NR2C2: variants seen among roughly 807,000 people sequenced by gnomAD.
NR2C2 encodes Nuclear hormone receptor TR4.
In NR2C2, 6 loss-of-function variants were observed where a neutral mutation model predicts 62.9. The ratio of observed to expected loss-of-function variants is 0.10; its 90% CI spans 0.05 to 0.19. The LOEUF is 0.19. NR2C2 is among the 10% of genes least tolerant of loss of function. The pLI, the probability that NR2C2 is intolerant of heterozygous loss-of-function variation, is 1.00. For synonymous variants in NR2C2, 272 were observed against 273.8 expected (o/e 0.99, Z 0.07); for missense variants, 479 against 762.7 (o/e 0.63, Z 4.38).
chr3:14,985,665 G>T (rs1024970953), intron 1 of NR2C2, among the ~76,000 whole-genome samples: 1 of 152,140 alleles, frequency 6.6e-6, no homozygotes, highest in Non-Finnish European at 1.5e-5. Flanking sequence ...CAGATTTAGA[G>T]ATACACATAA....
At position 14,990,316 on chromosome 3, in the gene NR2C2, T is replaced by C. The variant is rs1055033113; in HGVS notation, c.-39-13560T>C. The stretch of plus-strand genomic sequence containing the variant: ...GGGAAAGGGGTGGAGGGAGAGAGAG[T>C]TTAACAGTGGCAGCAATCTAGGTGA... On this transcript the variant is annotated intron_variant, in intron 1 of 13. Coordinates refer to ENST00000425241, the MANE Select transcript of NR2C2 (RefSeq NM_001291694.2). Among the ~76,000 whole-genome samples, 33 of 151,996 alleles carry C rather than the reference T, an allele frequency of 2.2e-4. 4 individuals are homozygous for C. The highest frequency in any genetic ancestry group is 2.1e-3 in the South Asian group (10 of 4,800).
At chr3:15,019,683 CAT>C (rs770797251) in intron 4 of NR2C2, among the ~76,000 whole-genome samples, 8 of 151,794 alleles carry the variant, frequency 5.3e-5, no homozygotes, top group South Asian at 2.1e-4. Context: ...CGATCTCACT[CAT>C]GTGGAATCCT....
At chr3:14,975,361 T>C (rs2040174015) in intron 1 of NR2C2, among the ~76,000 whole-genome samples, 1 of 152,250 alleles carries the variant, frequency 6.6e-6, no homozygotes, top group East Asian at 1.9e-4. Context: ...TTTTCATATG[T>C]GACCTTTATT....
intron 1 of NR2C2, among the ~76,000 whole-genome samples, chr3:14,951,524 T>A (rs2125205280): frequency 6.6e-6 from 1 of 152,292 alleles, no homozygotes; most frequent in Non-Finnish European, 1.5e-5. Context: ...GCTCAAAGAT[T>A]TTTGGTATCA....
rs755118131 is a variant in NR2C2, at chr3:15,023,245, C to G, written c.602C>G (p.Pro201Arg). ...RKPFDVQREK[P>R]SNCAASTEKI... ...CCCTTCGATGTGCAACGGGAGAAAC[C>G]AAGCAATTGTGCTGCTTCAACTGAG... The change falls in exon 6 of 14, where the codon CCA becomes CGA. Residue 201 changes from proline to arginine, a missense_variant. Physicochemically the swap from Pro to Arg is moderately radical, Grantham distance 103. Coordinates refer to ENST00000425241, the MANE Select transcript of NR2C2 (RefSeq NM_001291694.2). The G allele has an allele frequency of 1.2e-6, 2 of 1,614,148 alleles. No individual in the cohort carries two copies. The highest frequency in any genetic ancestry group is 1.7e-6 in the Non-Finnish European group (2 of 1,180,002).
At position 15,047,546 on chromosome 3, in the gene NR2C2, C is replaced by T. The variant is rs909779801; in HGVS notation, c.*4538C>T. On this transcript the variant is annotated 3_prime_UTR_variant, in exon 14 of 14. Transcript: ENST00000425241. ...CTCTGTTGAGTAGCCCAGAGACAGG[C>T]GTCACGGTCAGAGATTCAGAACGGT... 3 of 152,198 alleles carry T rather than the reference C, an allele frequency of 2.0e-5. No individual in the cohort carries two copies. The highest frequency in any genetic ancestry group is 4.4e-5 in the Non-Finnish European group (3 of 68,052). 9.4% of individuals were successfully genotyped at this position (152,198 alleles called of 1,614,324 possible).
chr3:14,987,823 G>A (rs969419872), intron 1 of NR2C2, among the ~76,000 whole-genome samples: 3 of 152,140 alleles, frequency 2.0e-5, no homozygotes, highest in East Asian at 1.9e-4. Context: ...CTTTTCTCAC[G>A]TGCATATCAT....
chr3:15,032,554 A>G (rs2042007115), intron 10 of NR2C2, 54 bp downstream of exon 10: 5 of 1,610,384 alleles, frequency 3.1e-6, no homozygotes, highest in Admixed American at 3.3e-5. Context: ...TCCTCTCCCT[A>G]GGAATGACCT....
At chr3:14,980,284 A>G (rs1130931) in intron 1 of NR2C2, among the ~76,000 whole-genome samples, 1 of 151,770 alleles carries the variant, frequency 6.6e-6, no homozygotes, top group African/African-American at 2.4e-5. Flanking sequence ...CCAAGGAGCT[A>G]GGATTACAGG....
At chr3:14,997,050 A>T (rs1390995839) in intron 1 of NR2C2, among the ~76,000 whole-genome samples, 1 of 152,246 alleles carries the variant, frequency 6.6e-6, no homozygotes, top group Non-Finnish European at 1.5e-5. Context: ...CACAAACCAA[A>T]TGTGAACCAC....
chr3:14,999,414 C>G (rs1257228406), intron 1 of NR2C2, among the ~76,000 whole-genome samples: 1 of 151,936 alleles, frequency 6.6e-6, no homozygotes, highest in Non-Finnish European at 1.5e-5. Flanking sequence ...TTGCTTGGGC[C>G]CAGGAGGATG....
At chr3:15,038,447 CT>C (rs1210682900) in intron 12 of NR2C2, 1 of 224,398 alleles carries the variant, frequency 4.5e-6, no homozygotes, top group Non-Finnish European at 8.7e-6. Flanking sequence ...GATGTCCTTT[CT>C]TTTTTTTCCG....
chr3:14,981,038 A>G (rs1311372319), intron 1 of NR2C2, among the ~76,000 whole-genome samples: 2 of 152,238 alleles, frequency 1.3e-5, no homozygotes, highest in African/African-American at 4.8e-5. Context: ...TCAGGTCTCT[A>G]TTGACAATTT....
intron 2 of NR2C2, 39 bp from the exon 3 acceptor site, chr3:15,013,550 G>C (rs2041416411): frequency 6.3e-7 from 1 of 1,590,212 alleles, no homozygotes; most frequent in African/African-American, 1.3e-5. Context: ...TGGGTCTTGT[G>C]ACACTCCATG....
intron 2 of NR2C2, among the ~76,000 whole-genome samples, chr3:15,006,430 C>T (rs1574993947): frequency 6.6e-6 from 1 of 151,964 alleles, no homozygotes; most frequent in South Asian, 2.1e-4. Flanking sequence ...TATATATATG[C>T]TATATGTAAA....
chr3:15,040,281 G>A (rs1312383836), intron 13 of NR2C2, among the ~76,000 whole-genome samples: 1 of 152,204 alleles, frequency 6.6e-6, no homozygotes, highest in Non-Finnish European at 1.5e-5. Flanking sequence ...GGATGGAAGA[G>A]TGCTGCTTTC....
At chr3:14,948,795 C>T (rs1470153827) in intron 1 of NR2C2, 1 of 152,268 alleles carries the variant, frequency 6.6e-6, no homozygotes, top group African/African-American at 2.4e-5. Context: ...GGACACTTTT[C>T]AGGGCTCCTG....
At chr3:14,985,171 G>C (rs2040481634) in intron 1 of NR2C2, among the ~76,000 whole-genome samples, 2 of 151,804 alleles carry the variant, frequency 1.3e-5, no homozygotes, top group Non-Finnish European at 2.9e-5. Context: ...ATATATTCTG[G>C]ATAAGATACA....
At chr3:15,010,029 C>T (rs542382541) in intron 2 of NR2C2, among the ~76,000 whole-genome samples, 1 of 152,248 alleles carries the variant, frequency 6.6e-6, no homozygotes, top group South Asian at 2.1e-4. Flanking sequence ...TTGCAAAGGC[C>T]CTACTTCCAA....
Sources: gnomAD v4.1 joint callset for allele counts (sites outside exome capture counted in the v4.1 genomes callset) on GRCh38, gnomAD v4.1.1 for gene constraint, MANE v1.5 for transcripts, NCBI Gene and HGNC (gene_info 2026-07-23, HGNC 2026-07-21) for gene names.